Variants in AHNAK2 observed in about 807,000 individuals in gnomAD.
AHNAK2 encodes the protein protein AHNAK2.
In AHNAK2, 18 loss-of-function variants were observed where a neutral mutation model predicts 30.7. The observed-to-expected ratio is 0.59, with a 90% confidence interval of 0.41 to 0.87. AHNAK2 has a LOEUF of 0.87. AHNAK2 is among the 40% of genes least tolerant of loss of function. The pLI is 0.00. For synonymous variants in AHNAK2, 3,590 were observed against 3,073.8 expected (o/e 1.17, Z -5.56); for missense variants, 8,604 against 7,373.0 (o/e 1.17, Z -6.11).
chr14:104,946,147 C>A lies in AHNAK2; in HGVS notation c.9304G>T (p.Val3102Leu). The A allele has an allele frequency of 1.9e-6, 3 of 1,612,546 alleles. No individual in the cohort carries two copies. Among genetic ancestry groups the A allele is most frequent in the South Asian group, 1.1e-5 (1 of 90,970 alleles). Residue 3102 changes from valine (V) to leucine (L), a missense_variant, in exon 7 of 7, where the codon GTG (valine) becomes TTG (leucine). Coordinates refer to ENST00000333244, the MANE Select transcript of AHNAK2 (RefSeq NM_138420.4). ...GPKTDVTAPD[V>L]EVSQPGMEVD... is the part of the protein sequence containing the mutation. ...TCCATGCCGGGCTGAGACACCTCCA[C>A]GTCGGGGGCCGTCACGTCCGTCTTC...
chr14:104,953,355 T>C lies in AHNAK2; in HGVS notation c.2096A>G (p.Asp699Gly). ...GGCCTCCACCTTCGGCGCAGACACA[T>C]CCACCGAGGCCTCCATGGACTTGCC... Reference protein sequence around the residue: ...APGKSMEASVDVSAPKVEADV... With the variant: ...APGKSMEASVGVSAPKVEADV... The change falls in exon 7 of 7, where the codon GAT (aspartate) becomes GGT (glycine). Residue 699 changes from aspartate to glycine, a missense_variant. Asp to Gly is a moderately conservative substitution (Grantham distance 94, BLOSUM62 -1). Coordinates refer to ENST00000333244, the MANE Select transcript of AHNAK2 (RefSeq NM_138420.4). The C allele has an allele frequency of 3.1e-6, 5 of 1,613,596 alleles. No homozygotes were observed. Among genetic ancestry groups the C allele is most frequent in the Non-Finnish European group, 4.2e-6 (5 of 1,179,846 alleles).
chr14:104,940,436 C>T lies in AHNAK2; in HGVS notation c.15015G>A (p.Leu5005=). 6.2e-7 allele frequency: 1 copy of T among 1,613,910 alleles called. No homozygotes were observed. The highest frequency in any genetic ancestry group is 8.5e-7 in the Non-Finnish European group (1 of 1,179,896). ...VAPQSAIHMD[L]PPERDGEKGR... The stretch of plus-strand genomic sequence containing the variant: ...CCTTCTCTCCATCCCTCTCAGGAGG[C>T]AGATCCATGTGGATGGCAGACTGCG... The change falls in exon 7 of 7, where the codon CTG becomes CTA. Residue 5005 remains leucine, a synonymous_variant. Coordinates refer to ENST00000333244, the MANE Select transcript of AHNAK2 (RefSeq NM_138420.4). This position sits in a 1 kb window ranked among gnomAD's most constrained non-coding sequence, Gnocchi z 4.4.
At chr14:104,961,529 T>G (rs1899148903) in intron 1 of AHNAK2, among the ~76,000 whole-genome samples, 1 of 148,044 alleles carries the variant, frequency 6.8e-6, no homozygotes, top group Non-Finnish European at 1.5e-5. Flanking sequence ...AAAAAAAAAG[T>G]TGCTGTTGTG....
rs1898980603 is a variant in AHNAK2 at position 104,956,593 on chromosome 14, G to A, written c.310C>T (p.Pro104Ser). The A allele has an allele frequency of 6.2e-7, 1 of 1,613,830 alleles. No individual in the cohort carries two copies. The highest frequency in any genetic ancestry group is 1.7e-5 in the Admixed American group (1 of 60,020). ...DSRTFFRMSR[P>S]EAVQEATEVT... is the part of the protein sequence containing the mutation. ...TCAGCTCCTGCTGTACCCACCTCTG[G>A]ACGACTCATCCTGAAAAATGTCCGT... is the stretch of plus-strand genomic sequence containing the variant. Residue 104 changes from proline to serine, a missense_variant, in exon 4 of 7, where the codon CCA becomes TCA. By Grantham distance (74) the Pro-to-Ser change is moderately conservative (BLOSUM62 -1). Coordinates refer to ENST00000333244, the MANE Select transcript of AHNAK2 (RefSeq NM_138420.4).
rs1468725969 is a variant in AHNAK2 at position 104,943,219 on chromosome 14, G to C, written c.12232C>G (p.Leu4078Val). Residue 4078 changes from leucine (L) to valine (V), a missense_variant, in exon 7 of 7, where the codon CTG becomes GTG. By Grantham distance (32) the Leu-to-Val change is conservative. Transcript: ENST00000333244. ...TCCGCCTTGGGGCCTTTCAGGTCCAGCTTGGGGCCCTTAACATCTATCTGG... is the reference window on the plus strand; with the variant it reads ...TCCGCCTTGGGGCCTTTCAGGTCCACCTTGGGGCCCTTAACATCTATCTGG... The part of the protein sequence containing the change: ...GPQIDVKGPK[L>V]DLKGPKAEVT... 1.2e-6 allele frequency: 2 copies of C among 1,613,170 alleles called. No individual in the cohort carries two copies. The highest frequency in any genetic ancestry group is 1.1e-5 in the South Asian group (1 of 91,030).
chr14:104,953,925 C>G lies in AHNAK2; in HGVS notation c.1526G>C (p.Ser509Thr). 3 of 1,614,010 alleles carry G rather than the reference C, an allele frequency of 1.9e-6. No individual in the cohort carries two copies. Among genetic ancestry groups the G allele is most frequent in the Non-Finnish European group, 2.5e-6 (3 of 1,179,904 alleles). ...CTGTCTCTTCCCTCGCTGTGGGGTA[C>G]TAAGGCGCCTTTCTCTTTCTGGCTC... ...EKEPERERRL[S>T]TPQRGKRQDA... The change falls in exon 7 of 7, where the codon AGT becomes ACT. Residue 509 changes from serine (S) to threonine (T), a missense_variant. Transcript: ENST00000333244.
chr14:104,947,983 T>A lies in AHNAK2; in HGVS notation c.7468A>T (p.Met2490Leu), dbSNP rs1229815050. The change falls in exon 7 of 7, where the codon ATG becomes TTG. Residue 2490 changes from methionine (M) to leucine (L), a missense_variant. Coordinates refer to ENST00000333244, the MANE Select transcript of AHNAK2 (RefSeq NM_138420.4). The stretch of plus-strand genomic sequence containing the variant: ...GGGGCAGACACCCCGAATGACGGCA[T>A]CTTGAACTTGGGAATTTTGAACCTG... ...DSRFKIPKFK[M>L]PSFGVSAPGK... 1 of 1,612,264 alleles carries A rather than the reference T, an allele frequency of 6.2e-7. No homozygotes were observed. Among genetic ancestry groups the A allele is most frequent in the Admixed American group, 1.7e-5 (1 of 59,900 alleles).
At position 104,946,378 on chromosome 14, in the gene AHNAK2, C is replaced by G. The variant is rs755592639; in HGVS notation, c.9073G>C (p.Asp3025His). Residue 3025 changes from aspartate to histidine, a missense_variant, in exon 7 of 7, where the codon GAC (aspartate) becomes CAC (histidine). Physicochemically the swap from Asp to His is moderately conservative, Grantham distance 81. Coordinates refer to ENST00000333244, the MANE Select transcript of AHNAK2 (RefSeq NM_138420.4). ...PSMQGDLKTT[D>H]ISIEPPSAQL... is the part of the protein sequence containing the mutation. ...GCAGAGGGGGGCTCAATGCTGATGT[C>G]AGTGGTCTTCAGGTCCCCCTGCATG... 7 of 1,612,532 alleles carry G rather than the reference C, an allele frequency of 4.3e-6. No individual in the cohort carries two copies. The Admixed American group carries it at 8.3e-5, about 19-fold the overall frequency.
intron 1 of AHNAK2, among the ~76,000 whole-genome samples, chr14:104,967,671 C>T (rs756563181): frequency 2.0e-5 from 3 of 152,150 alleles, no homozygotes; most frequent in African/African-American, 4.8e-5. Context: ...GCTCAGCGAG[C>T]GGCAGACCTG....
Position 104,948,038 on chromosome 14 carries a change from C to T in AHNAK2, c.7413G>A (p.Val2471=), listed in dbSNP as rs532118051. ...CTTTGGTAGTCACATCCTTGTCCGC[C>T]ACAGACAGGTCCCCCTCCAGCCACG... ...DGAWLEGDLS[V]ADKDVTTKDS... Residue 2471 remains valine, a synonymous_variant, in exon 7 of 7, where the codon GTG becomes GTA. Transcript: ENST00000333244. The T allele has an allele frequency of 6.2e-7, 1 of 1,612,668 alleles. No homozygotes were observed. Among genetic ancestry groups the T allele is most frequent in the Non-Finnish European group, 8.5e-7 (1 of 1,179,598 alleles).
At position 104,948,257 on chromosome 14, in the gene AHNAK2, T is replaced by G. The variant is rs1471093522; in HGVS notation, c.7194A>C (p.Lys2398Asn). 1 of 1,612,320 alleles carries G rather than the reference T, an allele frequency of 6.2e-7. No individual in the cohort carries two copies. The highest frequency in any genetic ancestry group is 8.5e-7 in the Non-Finnish European group (1 of 1,179,540). ...EGPVPEGAGL[K>N]GHLPKLQMPS... is the part of the protein sequence containing the mutation. ...GCATCTGCAGCTTGGGCAGGTGCCCTTTGAGGCCGGCTCCCTCCGGCACGG... is the reference window on the plus strand; with the variant it reads ...GCATCTGCAGCTTGGGCAGGTGCCCGTTGAGGCCGGCTCCCTCCGGCACGG... The change falls in exon 7 of 7, where the codon AAA (lysine) becomes AAC (asparagine). Residue 2398 changes from lysine to asparagine, a missense_variant. Coordinates refer to ENST00000333244, the MANE Select transcript of AHNAK2 (RefSeq NM_138420.4).
At chr14:104,963,194 T>C (rs1457130484) in intron 1 of AHNAK2, among the ~76,000 whole-genome samples, 1 of 152,074 alleles carries the variant, frequency 6.6e-6, no homozygotes, top group Non-Finnish European at 1.5e-5. Context: ...GATGTACGAG[T>C]GTTCAATAAG....
chr14:104,954,592 G>T lies in AHNAK2; in HGVS notation c.859C>A (p.Pro287Thr). ...RSHSSSEAYE[P>T]RDAHDVSPTS... ...GGGGACACGTCATGTGCGTCCCTAG[G>T]TTCGTAGGCCTCTGACGAGCTGTGT... The change falls in exon 7 of 7, where the codon CCT becomes ACT. Residue 287 changes from proline (P) to threonine (T), a missense_variant. By Grantham distance (38) the Pro-to-Thr change is conservative (BLOSUM62 -1). Transcript: ENST00000333244. This position sits in a 1 kb window ranked among gnomAD's most constrained non-coding sequence, Gnocchi z 4.3. 6.2e-7 allele frequency: 1 copy of T among 1,610,300 alleles called. No homozygotes were observed. Among genetic ancestry groups the T allele is most frequent in the Non-Finnish European group, 8.5e-7 (1 of 1,178,644 alleles).
chr14:104,967,869 G>T (rs1211813294), intron 1 of AHNAK2, among the ~76,000 whole-genome samples: 2 of 152,164 alleles, frequency 1.3e-5, no homozygotes, highest in Non-Finnish European at 2.9e-5. Flanking sequence ...CCAGTCCCCC[G>T]CCAAGAGCAC....
At position 104,939,097 on chromosome 14, in the gene AHNAK2, T is replaced by A. The variant is rs202009876; in HGVS notation, c.16354A>T (p.Asn5452Tyr). The change falls in exon 7 of 7, where the codon AAC (asparagine) becomes TAC (tyrosine). Residue 5452 changes from asparagine to tyrosine, a missense_variant. Physicochemically the swap from Asn to Tyr is moderately radical, Grantham distance 143. Coordinates refer to ENST00000333244, the MANE Select transcript of AHNAK2 (RefSeq NM_138420.4). ...GVPGEQPVDL[N>Y]LPLEAPPISK... ...ATTGGGGGAGCTTCCAAAGGCAGGT[T>A]AAGGTCCACAGGCTGCTCCCCAGGG... 213 of 1,605,032 alleles carry A rather than the reference T, an allele frequency of 1.3e-4. 1 individual carries two copies. In the African/African-American group the frequency reaches 2.5e-3, roughly 19 times the overall value.
Position 104,941,976 on chromosome 14 carries a change from T to G in AHNAK2, c.13475A>C (p.Lys4492Thr). The change falls in exon 7 of 7, where the codon AAG becomes ACG. Residue 4492 changes from lysine (K) to threonine (T), a missense_variant. Transcript: ENST00000333244. ...GGGAATGCTCATGTCGGCCTCCATC[T>G]TTGGCGCAGACACATCCACCGAGAC... ...IEVSVDVSAP[K>T]MEADMSIPSM... The G allele has an allele frequency of 6.2e-7, 1 of 1,613,602 alleles. No homozygotes were observed. Among genetic ancestry groups the G allele is most frequent in the Non-Finnish European group, 8.5e-7 (1 of 1,179,690 alleles).
Position 104,951,963 on chromosome 14 carries a change from A to G in AHNAK2, c.3488T>C (p.Phe1163Ser). Residue 1163 changes from phenylalanine to serine, a missense_variant, in exon 7 of 7, where the codon TTC becomes TCC. Phe to Ser is a radical substitution (Grantham distance 155). Coordinates refer to ENST00000333244, the MANE Select transcript of AHNAK2 (RefSeq NM_138420.4). ...TGGCATCTTGAACTTGGGCATTTTGAACCTGCTGTCTTTGGCAGTCACATC... is the reference window on the plus strand; with the variant it reads ...TGGCATCTTGAACTTGGGCATTTTGGACCTGCTGTCTTTGGCAGTCACATC... Reference protein sequence around the residue: ...DKDVTAKDSRFKMPKFKMPSF... With the variant: ...DKDVTAKDSRSKMPKFKMPSF... 5.6e-6 allele frequency: 9 copies of G among 1,611,372 alleles called. No individual in the cohort carries two copies. The highest frequency in any genetic ancestry group is 7.6e-6 in the Non-Finnish European group (9 of 1,179,112).
At chr14:104,969,144 C>T (rs912422613) in intron 1 of AHNAK2, among the ~76,000 whole-genome samples, 4 of 152,238 alleles carry the variant, frequency 2.6e-5, no homozygotes, top group African/African-American at 9.6e-5. Context: ...GCCTCTGTGT[C>T]TGCCTCCAAG....
chr14:104,953,165 C>T lies in AHNAK2; in HGVS notation c.2286G>A (p.Gln762=), dbSNP rs769243283. The T allele has an allele frequency of 6.2e-7, 1 of 1,613,258 alleles. No individual in the cohort carries two copies. Among genetic ancestry groups the T allele is most frequent in the Non-Finnish European group, 8.5e-7 (1 of 1,179,684 alleles). Residue 762 remains glutamine (Q), a synonymous_variant, in exon 7 of 7, where the codon CAG becomes CAA. Transcript: ENST00000333244. ...ASLKGHLPKV[Q]RPSLKMPKVD... ...CTTTGGGCATCTTCAAACTGGGCCTCTGCACCTTGGGCAGGTGCCCTTTGA... is the reference window on the plus strand; with the variant it reads ...CTTTGGGCATCTTCAAACTGGGCCTTTGCACCTTGGGCAGGTGCCCTTTGA...
Sources: allele counts gnomAD v4.1 joint callset (sites outside exome capture counted in the v4.1 genomes callset), GRCh38; gene constraint gnomAD v4.1.1; non-coding constraint Gnocchi (gnomAD v3.1); transcripts MANE v1.5; gene names NCBI Gene and HGNC (gene_info 2026-07-23, HGNC 2026-07-21).